MYH11: variants seen among roughly 807,000 people sequenced by gnomAD.
MYH11 encodes myosin heavy chain 11.
A neutral mutation model predicts 246.6 loss-of-function variants in MYH11; 80 were observed. The ratio of observed to expected loss-of-function variants is 0.32; its 90% CI spans 0.27 to 0.39. The LOEUF is 0.39. Among genes scored for constraint, MYH11 ranks in the 10% least tolerant of loss-of-function variants. The probability of loss-of-function intolerance (pLI) is 1.00; values close to 1 mark genes in which losing one functional copy is unlikely to be tolerated. For synonymous variants in MYH11, 1,071 were observed against 1,015.5 expected (o/e 1.05, Z -1.04); for missense variants, 2,158 against 2,546.8 (o/e 0.85, Z 3.29).
chr16:15,728,023 G>A (rs1211085936), intron 27 of MYH11, among the ~76,000 whole-genome samples: 1 of 152,210 alleles, frequency 6.6e-6, no homozygotes, highest in Admixed American at 6.5e-5. Context: ...GAGGTGAGGA[G>A]TTCGAGACCA....
chr16:15,841,163 G>C (rs1314860944), intron 1 of MYH11, among the ~76,000 whole-genome samples: 2 of 152,154 alleles, frequency 1.3e-5, no homozygotes, highest in African/African-American at 4.8e-5. Context: ...GTTTGAGATG[G>C]AGTCTTGCTC....
Position 15,741,667 on chromosome 16 carries a change from C to T in MYH11, c.2655G>A (p.Leu885=), listed in dbSNP as rs760141485. 9 of 1,613,892 alleles carry T rather than the reference C, an allele frequency of 5.6e-6. No homozygotes were observed. Among genetic ancestry groups the T allele is most frequent in the South Asian group, 3.3e-5 (3 of 91,088 alleles). Residue 885 remains leucine, a splice_region_variant and synonymous_variant, in exon 22 of 41, where the codon CTG becomes CTA. Transcript: ENST00000300036. ...CCTGTAGCAGGTTCTTCTCCTCGGTCAGCTGCACGCAGGTGGTGGGGAGGA... is the reference window on the plus strand; with the variant it reads ...CCTGTAGCAGGTTCTTCTCCTCGGTTAGCTGCACGCAGGTGGTGGGGAGGA... The part of the protein sequence containing the change: ...LKELEQKHSQ[L]TEEKNLLQEQ...
chr16:15,839,091 T>C (rs2043984155), intron 1 of MYH11, among the ~76,000 whole-genome samples: 2 of 151,722 alleles, frequency 1.3e-5, no homozygotes, highest in African/African-American at 4.8e-5. Flanking sequence ...ACACCTGTAG[T>C]CTCAGCTACT....
At position 15,738,552 on chromosome 16, in the gene MYH11, G is replaced by A. The variant is rs920534404; in HGVS notation, c.3121+13C>T. 3 of 1,604,666 alleles carry A rather than the reference G, an allele frequency of 1.9e-6. No homozygotes were observed. Among genetic ancestry groups the A allele is most frequent in the Non-Finnish European group, 2.6e-6 (3 of 1,174,884 alleles). ...AAATAAAATAAAAATAAATCTCTTG[G>A]TAGCTGGTTTACCTTCCAGTTCTGA... On this transcript the variant is annotated intron_variant, in intron 24 of 40. Transcript: ENST00000300036.
At chr16:15,816,328 T>C (rs980372078) in intron 3 of MYH11, among the ~76,000 whole-genome samples, 3 of 152,090 alleles carry the variant, frequency 2.0e-5, no homozygotes, top group Non-Finnish European at 4.4e-5. Flanking sequence ...CCAATACATG[T>C]CTGGACATAT....
intron 1 of MYH11, among the ~76,000 whole-genome samples, chr16:15,838,982 C>T (rs1193070261): frequency 6.6e-6 from 1 of 151,958 alleles, no homozygotes; most frequent in East Asian, 1.9e-4. Flanking sequence ...ATAGAATTAC[C>T]CAGATTCCTT....
At chr16:15,802,609 C>T (rs1000817408) in intron 3 of MYH11, among the ~76,000 whole-genome samples, 8 of 152,106 alleles carry the variant, frequency 5.3e-5, no homozygotes, top group East Asian at 1.9e-4. Context: ...CCAGCATGCC[C>T]GGCTAATTTT....
At chr16:15,814,681 C>T (rs1046236022) in intron 3 of MYH11, among the ~76,000 whole-genome samples, 2 of 147,602 alleles carry the variant, frequency 1.4e-5, no homozygotes, top group African/African-American at 4.9e-5. Context: ...ACCTCAGAAA[C>T]TGGCAATGCC....
chr16:15,847,265 T>TTTC (rs574635258), intron 1 of MYH11, among the ~76,000 whole-genome samples: 23,027 of 115,734 alleles, frequency 0.2, 2,322 homozygotes, highest in East Asian at 0.4. Flanking sequence ...TTTTTTTTTT[T>TTTC]TCTGAGACAG....
chr16:15,805,875 C>T (rs939172772), intron 3 of MYH11, among the ~76,000 whole-genome samples: 4 of 152,110 alleles, frequency 2.6e-5, no homozygotes, highest in African/African-American at 9.7e-5. Context: ...ACGACTGCAC[C>T]ACGGTACTCC....
rs1233324109 is a variant in MYH11 at position 15,753,407 on chromosome 16, G to A, written c.1851C>T (p.Asp617=). 1.2e-6 allele frequency: 2 copies of A among 1,613,892 alleles called. No homozygotes were observed. Among genetic ancestry groups the A allele is most frequent in the Non-Finnish European group, 1.7e-6 (2 of 1,179,946 alleles). ...AGAAGGCCTTACCGTCCTTCCACAG[G>A]TCGGCCACAAACTTGTCGGAGGAGG... is the stretch of plus-strand genomic sequence containing the variant. ...LNASSDKFVA[D]LWKDVDRIVG... The change falls in exon 15 of 41, where the codon GAC becomes GAT. Residue 617 remains aspartate (D), a synonymous_variant. Transcript: ENST00000300036.
intron 4 of MYH11, among the ~76,000 whole-genome samples, chr16:15,795,448 C>A (rs2042722814): frequency 6.6e-6 from 1 of 151,816 alleles, no homozygotes; most frequent in Non-Finnish European, 1.5e-5. Context: ...CCTGTCTCTA[C>A]TAAAAATACA....
chr16:15,843,203 C>G (rs2044100794), intron 1 of MYH11, among the ~76,000 whole-genome samples: 1 of 151,806 alleles, frequency 6.6e-6, no homozygotes, highest in Non-Finnish European at 1.5e-5. Context: ...AACCCTGTCT[C>G]TACTAAAAAA....
intron 8 of MYH11, among the ~76,000 whole-genome samples, chr16:15,774,528 C>T (rs8059855): frequency 0.023 from 3,505 of 152,316 alleles, 59 homozygotes; most frequent in Middle Eastern, 0.096. Flanking sequence ...ATTCAGCATT[C>T]CCCCTTTACC....
Position 15,714,911 on chromosome 16 carries a change from G to C in MYH11, c.5784C>G (p.Leu1928=), listed in dbSNP as rs1198876167. 1.9e-6 allele frequency: 3 copies of C among 1,613,670 alleles called. No homozygotes were observed. The highest frequency in any genetic ancestry group is 2.5e-6 in the Non-Finnish European group (3 of 1,180,042). Residue 1928 remains leucine (L), a splice_region_variant and synonymous_variant, in exon 40 of 41, where the codon CTC becomes CTG. Transcript: ENST00000300036. Reference sequence around the variant, plus strand: ...CTCCCGGGCCACGGGCTCCTCACCTGAGCTTGCTCTTGAGTGCGTTCACCT... The same window carrying C: ...CTCCCGGGCCACGGGCTCCTCACCTCAGCTTGCTCTTGAGTGCGTTCACCT... ...GREVNALKSK[L]RRGNETSFVP... is the part of the protein sequence containing the mutation.
intron 4 of MYH11, among the ~76,000 whole-genome samples, chr16:15,788,095 T>TTTTTTTTTTTTTTTTTCAA (rs11273419): frequency 1.0e-5 from 1 of 99,488 alleles, no homozygotes. Flanking sequence ...TTTTTTTTTT[T>TTTTTTTTTTTTTTTTTCAA]ACCAAGATGG....
intron 2 of MYH11, among the ~76,000 whole-genome samples, chr16:15,826,316 G>C (rs573548850): frequency 4.6e-5 from 7 of 152,158 alleles, no homozygotes; most frequent in Non-Finnish European, 7.4e-5. Context: ...GGCTGGGTGT[G>C]GTGGCTCACA....
At chr16:15,763,738 A>AGCTGGGGGC in intron 10 of MYH11, 58 bp downstream of exon 10, 1 of 717,686 alleles carries the variant, frequency 1.4e-6, no homozygotes, top group Non-Finnish European at 2.6e-6. Context: ...GTTAAATGTC[A>AGCTGGGGGC]CCTCCCCCAC....
chr16:15,774,188 G>A (rs1356206890), intron 8 of MYH11, among the ~76,000 whole-genome samples: 3 of 152,190 alleles, frequency 2.0e-5, no homozygotes, highest in South Asian at 4.1e-4. Flanking sequence ...TTCAAGTCAC[G>A]AGGATTGAGG....
Sources: allele counts gnomAD v4.1 joint callset (sites outside exome capture counted in the v4.1 genomes callset), GRCh38; gene constraint gnomAD v4.1.1; transcripts MANE v1.5; gene names NCBI Gene and HGNC (gene_info 2026-07-23, HGNC 2026-07-21).